GRB10: variants seen among roughly 807,000 people sequenced by gnomAD.
GRB10 encodes growth factor receptor-bound protein 10.
In GRB10, 20 loss-of-function variants were observed where a neutral mutation model predicts 80.9. That is an observed-to-expected ratio of 0.25 (90% CI 0.17 to 0.36). The LOEUF (loss-of-function observed/expected upper bound fraction) is 0.36, where lower values mean the gene tolerates loss of function less well. Ranked by LOEUF, GRB10 falls within the 10% of genes least tolerant of loss-of-function variation. The pLI, the probability that GRB10 is intolerant of heterozygous loss-of-function variation, is 1.00. For missense variants in GRB10, 548 were observed against 747.7 expected (o/e 0.73, Z 3.12); for synonymous variants, 291 against 291.5 (o/e 1.00, Z 0.02).
At chr7:50,749,146 T>TTTA (rs2073681144) in intron 3 of GRB10, among the ~76,000 whole-genome samples, 2 of 149,366 alleles carry the variant, frequency 1.3e-5, no homozygotes, top group African/African-American at 2.5e-5. Context: ...TTTTTTTTTT[T>TTTA]GAGATGGAGT....
chr7:50,658,010 T>G (rs1225968574), intron 7 of GRB10, among the ~76,000 whole-genome samples: 1 of 152,192 alleles, frequency 6.6e-6, no homozygotes, highest in Non-Finnish European at 1.5e-5. Context: ...AGATGGCCAT[T>G]GTCCAGGCAG....
At chr7:50,738,114 A>G (rs926604404) in intron 3 of GRB10, among the ~76,000 whole-genome samples, 3 of 152,190 alleles carry the variant, frequency 2.0e-5, no homozygotes, top group Non-Finnish European at 4.4e-5. Context: ...AAATAAAACC[A>G]CAAGTATTGG....
intron 15 of GRB10, chr7:50,604,835 A>G (rs1376580280): frequency 1.0e-5 from 3 of 292,978 alleles, no homozygotes; most frequent in Non-Finnish European, 1.9e-5. Context: ...CTCAGGACTT[A>G]GAAGCCGAGT....
At chr7:50,711,527 A>G (rs2065899838) in intron 4 of GRB10, among the ~76,000 whole-genome samples, 1 of 152,232 alleles carries the variant, frequency 6.6e-6, no homozygotes, top group Non-Finnish European at 1.5e-5. Context: ...GGATGCACTT[A>G]AAGAAGTAAA....
At chr7:50,688,252 C>CA (rs1172691108) in intron 5 of GRB10, among the ~76,000 whole-genome samples, 1 of 151,780 alleles carries the variant, frequency 6.6e-6, no homozygotes. Context: ...ATTTAAAAAA[C>CA]AAAAAACAAC....
intron 8 of GRB10, among the ~76,000 whole-genome samples, chr7:50,619,940 G>A (rs1218013792): frequency 6.6e-6 from 1 of 152,176 alleles, no homozygotes; most frequent in Non-Finnish European, 1.5e-5. Flanking sequence ...ACACACACAT[G>A]CACGTACGCA....
At chr7:50,781,009 A>C (rs1207235736) in intron 1 of GRB10, 1 of 152,194 alleles carries the variant, frequency 6.6e-6, no homozygotes, top group Non-Finnish European at 1.5e-5. Flanking sequence ...GGAGACACTA[A>C]AAATAACTCA....
chr7:50,779,701 T>C (rs1436186702), intron 2 of GRB10: 2 of 152,258 alleles, frequency 1.3e-5, no homozygotes, highest in Non-Finnish European at 2.9e-5. Flanking sequence ...ACACAGCCAT[T>C]GTTGGCAACG....
intron 3 of GRB10, among the ~76,000 whole-genome samples, chr7:50,742,501 C>A (rs181776063): frequency 1.3e-5 from 2 of 152,290 alleles, no homozygotes; most frequent in African/African-American, 4.8e-5. Context: ...GGGCATCACC[C>A]GGGTGCTTGT....
At chr7:50,719,962 G>GC (rs768899602) in intron 4 of GRB10, among the ~76,000 whole-genome samples, 6 of 151,516 alleles carry the variant, frequency 4.0e-5, no homozygotes, top group Non-Finnish European at 8.8e-5. Context: ...ACATTCTTCT[G>GC]CCCCCCACTC....
At chr7:50,761,585 G>T (rs1163601038) in intron 2 of GRB10, 1 of 152,204 alleles carries the variant, frequency 6.6e-6, no homozygotes, top group Non-Finnish European at 1.5e-5. Flanking sequence ...GGGCCGGAAA[G>T]CTCACAATGG....
At chr7:50,681,864 G>T (rs118118709) in intron 5 of GRB10, among the ~76,000 whole-genome samples, 1 of 152,188 alleles carries the variant, frequency 6.6e-6, no homozygotes, top group Non-Finnish European at 1.5e-5. Flanking sequence ...CTGCTTCTGC[G>T]CCTGGTAGGA....
chr7:50,690,320 C>CA (rs5884162), intron 5 of GRB10, among the ~76,000 whole-genome samples: 2 of 148,800 alleles, frequency 1.3e-5, no homozygotes, highest in African/African-American at 5.1e-5. Context: ...AACAAACAAA[C>CA]AAAAAAAACA....
At chr7:50,723,199 C>T (rs977518499) in intron 4 of GRB10, among the ~76,000 whole-genome samples, 1 of 152,068 alleles carries the variant, frequency 6.6e-6, no homozygotes, top group Non-Finnish European at 1.5e-5. Flanking sequence ...TGCAGTGAAG[C>T]AATGATGTCC....
chr7:50,718,546 G>A lies in GRB10; in HGVS notation c.51+13726C>T, dbSNP rs1051757466. Reference sequence around the variant, plus strand: ...GATCAGTGAGAGCTCACTCTCACACGAGGATCCCAGAGTATAGAACTCAGG... The same window carrying A: ...GATCAGTGAGAGCTCACTCTCACACAAGGATCCCAGAGTATAGAACTCAGG... On this transcript the variant is annotated intron_variant, in intron 4 of 18. Coordinates refer to ENST00000401949, the MANE Select transcript of GRB10 (RefSeq NM_001350814.2). Among the ~76,000 whole-genome samples the A allele has an allele frequency of 3.3e-5, 5 of 152,210 alleles. No homozygotes were observed. The East Asian group carries it at 9.7e-4, about 29-fold the overall frequency.
At chr7:50,740,460 A>T (rs2071504496) in intron 3 of GRB10, among the ~76,000 whole-genome samples, 1 of 152,266 alleles carries the variant, frequency 6.6e-6, no homozygotes, top group Admixed American at 6.5e-5. Context: ...GTTAAATAAT[A>T]AAATTCAATT....
At chr7:50,791,115 C>A (rs1202050676) in intron 1 of GRB10, among the ~76,000 whole-genome samples, 2 of 152,182 alleles carry the variant, frequency 1.3e-5, no homozygotes, top group African/African-American at 4.8e-5. Flanking sequence ...GCCAACGCTG[C>A]CCCAAAAGTG....
chr7:50,595,920 A>C (rs1377002770), intron 17 of GRB10: 1 of 194,126 alleles, frequency 5.2e-6, no homozygotes, highest in Non-Finnish European at 1.1e-5. Context: ...CATCAAAATG[A>C]ATTTTAAAAG....
chr7:50,675,470 G>GT (rs2060830825), intron 5 of GRB10, among the ~76,000 whole-genome samples: 2 of 152,250 alleles, frequency 1.3e-5, no homozygotes, highest in South Asian at 4.1e-4. Flanking sequence ...TGCTGTGAAA[G>GT]TATTTTTTAG....
Sources: gnomAD v4.1 joint callset for allele counts (sites outside exome capture counted in the v4.1 genomes callset) on GRCh38, gnomAD v4.1.1 for gene constraint, MANE v1.5 for transcripts, NCBI Gene and HGNC (gene_info 2026-07-23, HGNC 2026-07-21) for gene names.